Variants in CDC25A observed in about 807,000 individuals in gnomAD.
The protein encoded by CDC25A is M-phase inducer phosphatase 1.
Under a neutral mutation model 64.6 loss-of-function variants are expected in CDC25A, and 17 were observed. The observed-to-expected ratio is 0.26, with a 90% confidence interval of 0.18 to 0.39. The LOEUF (loss-of-function observed/expected upper bound fraction) is 0.39, where lower values mean the gene tolerates loss of function less well. Among genes scored for constraint, CDC25A ranks in the 10% least tolerant of loss-of-function variants. CDC25A has a pLI of 1.00. For synonymous variants in CDC25A, 229 were observed against 238.6 expected, an observed-to-expected ratio of 0.96 and a Z score of 0.37; for missense variants, 473 against 654.8, an observed-to-expected ratio of 0.72 and a Z score of 3.03.
intron 9 of CDC25A, among the ~76,000 whole-genome samples, chr3:48,174,026 G>C (rs1198358549): frequency 1.3e-5 from 2 of 152,128 alleles, no homozygotes; most frequent in Non-Finnish European, 2.9e-5. Context: ...AGGTGTGGTG[G>C]CTCACACTTG....
At chr3:48,183,534 G>A (rs1020674828) in intron 4 of CDC25A, among the ~76,000 whole-genome samples, 3 of 151,984 alleles carry the variant, frequency 2.0e-5, no homozygotes, top group Admixed American at 6.6e-5. Flanking sequence ...AAAATCAGCC[G>A]GGTGTGATGG....
intron 9 of CDC25A, among the ~76,000 whole-genome samples, chr3:48,172,074 C>T (rs1033741161): frequency 2.6e-5 from 4 of 151,880 alleles, no homozygotes; most frequent in African/African-American, 7.3e-5. Flanking sequence ...GGGGCTGAGG[C>T]GGGAGGAGTG....
Position 48,174,334 on chromosome 3 carries a change from T to C in CDC25A, c.880A>G (p.Met294Val). The change falls in exon 9 of 15, where the codon ATG becomes GTG. Residue 294 changes from methionine to valine, a missense_variant. This residue lies in a region of CDC25A where 376 missense variants were observed against 431.9 expected (regional missense o/e 0.87). Transcript: ENST00000302506. ...GACTCTTTGGGGCTGGCCCCAGACA[T>C]GCTCTTCCTCCTCTTTGTACTTCCA... ...PPGSTKRRKS[M>V]SGASPKESTN... 1 of 1,614,242 alleles carries C rather than the reference T, an allele frequency of 6.2e-7. No individual in the cohort carries two copies. Among genetic ancestry groups the C allele is most frequent in the Non-Finnish European group, 8.5e-7 (1 of 1,180,052 alleles).
chr3:48,165,806 G>A (rs771448604), intron 11 of CDC25A, 25 bp downstream of exon 11: 1 of 1,594,984 alleles, frequency 6.3e-7, no homozygotes, highest in Non-Finnish European at 8.6e-7. Flanking sequence ...CCGATGTGTG[G>A]TGGGTTTCAA....
At chr3:48,167,439 G>A (rs2032070713) in intron 10 of CDC25A, among the ~76,000 whole-genome samples, 1 of 152,144 alleles carries the variant, frequency 6.6e-6, no homozygotes, top group Non-Finnish European at 1.5e-5. Flanking sequence ...AAGCTTCTCT[G>A]AACGGAGAAA....
intron 13 of CDC25A, among the ~76,000 whole-genome samples, chr3:48,160,364 CT>C: frequency 6.6e-6 from 1 of 150,650 alleles, no homozygotes; most frequent in East Asian, 2.0e-4. Flanking sequence ...CTGCCTTGGC[CT>C]CCCAAAGTGT....
rs550539035 is a variant in CDC25A, at chr3:48,176,488, C to T, written c.756+883G>A. 2.8e-5 allele frequency among the ~76,000 whole-genome samples: 4 copies of T among 142,808 alleles called. No individual in the cohort carries two copies. In the East Asian group the frequency reaches 6.1e-4, roughly 22 times the overall value. The allele number at this position is 142,808 out of a possible 152,430, so 93.7% of individuals were successfully genotyped here. On this transcript the variant is annotated intron_variant, in intron 8 of 14. Coordinates refer to ENST00000302506, the MANE Select transcript of CDC25A (RefSeq NM_001789.3). ...ACTATGCTTTCTGTTTGAAAGTATC[C>T]CTGATGGAAACACAAATCTATACTG... is the stretch of plus-strand genomic sequence containing the variant.
rs143367735 is a variant in CDC25A at position 48,182,974 on chromosome 3, G to C, written c.384C>G (p.Asp128Glu). The change falls in exon 5 of 15, where the codon GAC (aspartate) becomes GAG (glutamate). Residue 128 changes from aspartate (D) to glutamate (E), a missense_variant. Transcript: ENST00000302506. ...GGTCGATGAGCTGAAAGATGTCATG[G>C]TCAAGAGAATCAGAATGGCTCCTCT... Reference protein sequence around the residue: ...ALKRSHSDSLDHDIFQLIDPD... With the variant: ...ALKRSHSDSLEHDIFQLIDPD... 5 of 1,613,748 alleles carry C rather than the reference G, an allele frequency of 3.1e-6. No homozygotes were observed. In the South Asian group the frequency reaches 5.5e-5, roughly 18 times the overall value.
chr3:48,159,500 AC>A, intron 13 of CDC25A, 45 bp from the exon 14 acceptor site: 1 of 1,359,730 alleles, frequency 7.4e-7, no homozygotes, highest in Non-Finnish European at 1.1e-6. Flanking sequence ...CTTTTCCAGC[AC>A]AGCAACAAGG....
intron 10 of CDC25A, among the ~76,000 whole-genome samples, chr3:48,166,884 C>G (rs1167945525): frequency 1.3e-5 from 2 of 152,200 alleles, no homozygotes; most frequent in Non-Finnish European, 1.5e-5. Context: ...CACTGCACTA[C>G]AGCCTGAGCA....
rs945241078 is a variant in CDC25A, at chr3:48,160,614, T to C, written c.1323-1159A>G. Among the ~76,000 whole-genome samples the C allele has an allele frequency of 9.2e-5, 14 of 152,096 alleles. 1 individual carries two copies. Among genetic ancestry groups the C allele is most frequent in the Admixed American group, 8.5e-4 (13 of 15,234 alleles). Reference sequence around the variant, plus strand: ...TTAGTAGAGACGGGATTTCACCATGTTGGCCAGGCTGGTCTCGATCTCCTG... The same window carrying C: ...TTAGTAGAGACGGGATTTCACCATGCTGGCCAGGCTGGTCTCGATCTCCTG... On this transcript the variant is annotated intron_variant, in intron 13 of 14. Transcript: ENST00000302506.
intron 2 of CDC25A, among the ~76,000 whole-genome samples, 171 bp downstream of exon 2, chr3:48,186,532 G>A (rs1235983752): frequency 6.7e-6 from 1 of 149,660 alleles, no homozygotes; most frequent in Non-Finnish European, 1.5e-5. Flanking sequence ...TCATGCCATT[G>A]CACTCCAGCC....
At chr3:48,184,530 G>A in intron 3 of CDC25A, 123 bp downstream of exon 3, 1 of 686,120 alleles carries the variant, frequency 1.5e-6, no homozygotes, top group Non-Finnish European at 2.5e-6. Flanking sequence ...ATTCCAGAGT[G>A]TTTCTAGGCA....
At chr3:48,159,614 T>C (rs987883086) in intron 13 of CDC25A, among the ~76,000 whole-genome samples, 159 bp from the exon 14 acceptor site, 4 of 152,212 alleles carry the variant, frequency 2.6e-5, no homozygotes, top group Admixed American at 6.5e-5. Flanking sequence ...TGCAAGTTCC[T>C]GGCCACATGA....
chr3:48,167,769 A>AGG, intron 10 of CDC25A, 77 bp downstream of exon 10: 1 of 804,350 alleles, frequency 1.2e-6, no homozygotes, highest in Non-Finnish European at 2.2e-6. Context: ...CACCCTGGGG[A>AGG]GGGAGACAGG....
chr3:48,171,067 C>T (rs542755874), intron 9 of CDC25A, among the ~76,000 whole-genome samples: 7 of 152,052 alleles, frequency 4.6e-5, no homozygotes, highest in Admixed American at 6.6e-5. Flanking sequence ...ATCTCTATTA[C>T]GGTAAAAGAA....
intron 13 of CDC25A, among the ~76,000 whole-genome samples, chr3:48,163,539 G>T (rs959817650): frequency 2.0e-5 from 3 of 152,124 alleles, no homozygotes; most frequent in African/African-American, 7.2e-5. Flanking sequence ...GGGAGGCAGA[G>T]GTTGCAGTGA....
intron 9 of CDC25A, among the ~76,000 whole-genome samples, chr3:48,168,518 C>T (rs567137255): frequency 2.0e-5 from 3 of 151,700 alleles, no homozygotes; most frequent in African/African-American, 7.3e-5. Context: ...GATGGTGCCA[C>T]TGCACTCCAG....
At chr3:48,174,646 G>A in intron 8 of CDC25A, 189 bp from the exon 9 acceptor site, 2 of 546,656 alleles carry the variant, frequency 3.7e-6, no homozygotes, top group East Asian at 6.2e-5. Flanking sequence ...TGAGCACTTA[G>A]TGCTCAATGA....
Sources: allele counts gnomAD v4.1 joint callset (sites outside exome capture counted in the v4.1 genomes callset), GRCh38; gene constraint gnomAD v4.1.1; regional missense constraint gnomAD v4.1.1; transcripts MANE v1.5; gene names NCBI Gene and HGNC (gene_info 2026-07-23, HGNC 2026-07-21).